The following PRP4K variants were observed in gnomAD, a reference collection of about 807,000 sequenced individuals.
PRP4K encodes serine/threonine-protein kinase PRP4 homolog.
chr6:4,061,337 G>C, the PRP4K span: 1 of 152,722 alleles, frequency 6.5e-6, no homozygotes. Flanking sequence ...AATTGGAAGA[G>C]AACGCGCTTG....
the PRP4K span, chr6:4,056,304 GA>G: frequency 6.4e-7 from 1 of 1,564,652 alleles, no homozygotes; most frequent in Non-Finnish European, 8.8e-7. Context: ...AAATTCCCTT[GA>G]AAAAATGTTT....
At chr6:4,051,861 C>T in the PRP4K span, 3 of 768,728 alleles carry the variant, frequency 3.9e-6, no homozygotes, top group Non-Finnish European at 6.0e-6. Flanking sequence ...TCCCACACAT[C>T]ACCTGATCGT....
chr6:4,034,315 A>G, the PRP4K span, among the ~76,000 whole-genome samples: 52 of 152,282 alleles, frequency 3.4e-4, 1 homozygote, highest in African/African-American at 7.9e-4. Flanking sequence ...TCATTCTCCT[A>G]TTGAAACTGA....
chr6:4,060,128 C>T, the PRP4K span, among the ~76,000 whole-genome samples: 1 of 152,110 alleles, frequency 6.6e-6, no homozygotes, highest in Admixed American at 6.5e-5. The surrounding 1 kb of genome is among the most constrained non-coding windows in gnomAD (Gnocchi z 4.7). Flanking sequence ...GCTTCTAGGC[C>T]TGAACTGTAA....
At chr6:4,022,046 A>C in the PRP4K span, among the ~76,000 whole-genome samples, 15 of 151,954 alleles carry the variant, frequency 9.9e-5, no homozygotes, top group African/African-American at 3.6e-4. Context: ...TTAGTCCAGC[A>C]GTCACCCAGT....
the PRP4K span, chr6:4,037,687 C>T: frequency 1.1e-6 from 1 of 930,522 alleles, no homozygotes; most frequent in South Asian, 2.4e-5. Context: ...TAGTTGTGTT[C>T]CCATAGTTTC....
At chr6:4,064,446 C>T in the PRP4K span, 1 of 152,466 alleles carries the variant, frequency 6.6e-6, no homozygotes, top group African/African-American at 2.4e-5. Flanking sequence ...ACAAAGGAAT[C>T]AACATGATAA....
chr6:4,052,906 T>C, the PRP4K span: 1 of 1,557,900 alleles, frequency 6.4e-7, no homozygotes, highest in Admixed American at 2.0e-5. Context: ...GCTGTACATC[T>C]TGAACATACA....
the PRP4K span, chr6:4,042,618 T>A: frequency 6.8e-7 from 1 of 1,475,188 alleles, no homozygotes; most frequent in South Asian, 1.2e-5. Flanking sequence ...AAGATTTTTT[T>A]GCTTTAACAA....
the PRP4K span, among the ~76,000 whole-genome samples, chr6:4,037,095 C>G: frequency 6.6e-6 from 1 of 151,530 alleles, no homozygotes; most frequent in Non-Finnish European, 1.5e-5. Context: ...ATTATACTCA[C>G]TTGGGGAGGT....
At chr6:4,037,399 C>T in the PRP4K span, 3 of 1,602,650 alleles carry the variant, frequency 1.9e-6, no homozygotes, top group Non-Finnish European at 2.6e-6. Context: ...CCCTTAAGAA[C>T]ACGACCTCGA....
chr6:4,053,408 A>T, the PRP4K span, among the ~76,000 whole-genome samples: 1 of 152,056 alleles, frequency 6.6e-6, no homozygotes, highest in African/African-American at 2.4e-5. Flanking sequence ...AACTTGTGTC[A>T]TGGAGGGTTT....
At chr6:4,021,388 G>C in the PRP4K span, 6 of 1,561,734 alleles carry the variant, frequency 3.8e-6, no homozygotes, top group Admixed American at 1.9e-5. Context: ...CCGTCCGGGA[G>C]CCGCCGCCAC....
the PRP4K span, chr6:4,032,042 C>G: frequency 9.9e-6 from 16 of 1,613,580 alleles, no homozygotes; most frequent in Non-Finnish European, 1.4e-5. Context: ...AACTTGTGGA[C>G]AATAAAATTA....
chr6:4,021,390 C>G, the PRP4K span: 2 of 1,562,838 alleles, frequency 1.3e-6, no homozygotes, highest in Non-Finnish European at 1.7e-6. Flanking sequence ...GTCCGGGAGC[C>G]GCCGCCACCG....
At chr6:4,059,094 T>G in the PRP4K span, among the ~76,000 whole-genome samples, 1 of 152,218 alleles carries the variant, frequency 6.6e-6, no homozygotes, top group Non-Finnish European at 1.5e-5. Context: ...CATCCAGCTT[T>G]CTTATTGCTG....
At chr6:4,051,062 A>G in the PRP4K span, among the ~76,000 whole-genome samples, 1 of 151,842 alleles carries the variant, frequency 6.6e-6, no homozygotes, top group Non-Finnish European at 1.5e-5. Flanking sequence ...GGCGCCCACC[A>G]CCACGCCCAG....
chr6:4,043,689 C>T, the PRP4K span: 19 of 865,828 alleles, frequency 2.2e-5, no homozygotes, highest in South Asian at 5.2e-5. Context: ...CAATAAATAC[C>T]ATTTGGTTTG....
chr6:4,055,276 A>G, the PRP4K span, among the ~76,000 whole-genome samples: 1 of 152,248 alleles, frequency 6.6e-6, no homozygotes, highest in Non-Finnish European at 1.5e-5. Context: ...GAAACTGCTT[A>G]AGTAGCTGAA....
Sources: gnomAD v4.1 joint callset for allele counts (sites outside exome capture counted in the v4.1 genomes callset) on GRCh38, gnomAD v4.1.1 for gene constraint, Gnocchi (gnomAD v3.1) non-coding constraint, MANE v1.5 for transcripts, NCBI Gene and HGNC (gene_info 2026-07-23, HGNC 2026-07-21) for gene names.